The following DPYS variants were observed in gnomAD, a reference collection of about 807,000 sequenced individuals.
The protein encoded by DPYS is dihydropyrimidinase.
A neutral mutation model predicts 50.3 loss-of-function variants in DPYS; 39 were observed. The ratio of observed to expected loss-of-function variants is 0.78; its 90% confidence interval spans 0.60 to 1.01. DPYS has a LOEUF of 1.01. Among genes scored for constraint, DPYS ranks in the 50% least tolerant of loss-of-function variants. The pLI is 0.00. For missense variants in DPYS, 659 were observed against 680.9 expected (o/e 0.97, Z 0.36); for synonymous variants, 245 against 250.7 (o/e 0.98, Z 0.22).
Position 104,429,619 on chromosome 8 carries a change from T to C in DPYS, c.876A>G (p.Ala292=). Residue 292 remains alanine, a synonymous_variant, in exon 5 of 10, where the codon GCA becomes GCG. Coordinates refer to ENST00000351513, the MANE Select transcript of DPYS (RefSeq NM_001385.3). ...THYWNKEWHH[A]AHHVMGPPLR... The stretch of plus-strand genomic sequence containing the variant: ...AAGGTGGACCCATGACATGGTGGGC[T>C]GCATGGTGCCATTCTTTATTCCAGT... 1 of 1,614,196 alleles carries C rather than the reference T, an allele frequency of 6.2e-7. No homozygotes were observed. Among genetic ancestry groups the C allele is most frequent in the Admixed American group, 1.7e-5 (1 of 60,030 alleles).
intron 7 of DPYS, among the ~76,000 whole-genome samples, chr8:104,417,698 T>C (rs1348851498): frequency 1.3e-5 from 2 of 152,170 alleles, no homozygotes; most frequent in African/African-American, 4.8e-5. Context: ...CCGAAAAAGG[T>C]GAATGCTCCC....
rs1813459028 is a variant in DPYS at position 104,444,387 on chromosome 8, C to T, written c.654G>A (p.Glu218=). 1 of 1,614,132 alleles carries T rather than the reference C, an allele frequency of 6.2e-7. No individual in the cohort carries two copies. Among genetic ancestry groups the T allele is most frequent in the Non-Finnish European group, 8.5e-7 (1 of 1,180,058 alleles). Residue 218 remains glutamate (E), a synonymous_variant, in exon 4 of 10, where the codon GAG becomes GAA. Coordinates refer to ENST00000351513, the MANE Select transcript of DPYS (RefSeq NM_001385.3). The stretch of plus-strand genomic sequence containing the variant: ...CCTCCACTGCCTCTGGGCGGCACAG[C>T]TCGTGGCCCTCAGGGCCTGTTATCC... The part of the protein sequence containing the change: ...ALGITGPEGH[E]LCRPEAVEAE...
At chr8:104,427,921 A>G in intron 6 of DPYS, 59 bp downstream of exon 6, 2 of 1,612,550 alleles carry the variant, frequency 1.2e-6, no homozygotes, top group Non-Finnish European at 1.7e-6. Context: ...TGGTCCTCAA[A>G]TGGGCAGGAT....
chr8:104,451,430 A>G (rs1169110569), intron 1 of DPYS, 26 bp from the exon 2 acceptor site: 1 of 1,613,724 alleles, frequency 6.2e-7, no homozygotes, highest in Admixed American at 1.7e-5. Context: ...GTTTTCAACA[A>G]ATTAGCTATC....
chr8:104,407,144 A>G (rs1386235327), intron 7 of DPYS, among the ~76,000 whole-genome samples: 1 of 152,194 alleles, frequency 6.6e-6, no homozygotes, highest in East Asian at 1.9e-4. Context: ...TTCAATCCTC[A>G]TTATTTTATT....
At chr8:104,399,848 G>T (rs1472363616) in intron 7 of DPYS, among the ~76,000 whole-genome samples, 1 of 104,322 alleles carries the variant, frequency 9.6e-6, no homozygotes, top group Non-Finnish European at 1.7e-5. Context: ...CAGCCTGGGA[G>T]ACAGCAAGAC....
At chr8:104,388,782 G>T (rs550969467) in intron 8 of DPYS, among the ~76,000 whole-genome samples, 1 of 152,084 alleles carries the variant, frequency 6.6e-6, no homozygotes, top group East Asian at 1.9e-4. Context: ...AGATAAAAAC[G>T]TCTTCTCTTT....
chr8:104,464,978 A>T (rs879267157), intron 1 of DPYS, among the ~76,000 whole-genome samples: 5 of 152,198 alleles, frequency 3.3e-5, no homozygotes, highest in Non-Finnish European at 7.3e-5. Flanking sequence ...CCTACAAAAG[A>T]CTTTATTGAC....
rs190766503 is a variant in DPYS, at chr8:104,446,783, G to A, written c.603+541C>T. ...GGCAAGAGACAGCTCTTTAAATCTT[G>A]CAGATGGTGTATCCTTCAGGCATTA... is the stretch of plus-strand genomic sequence containing the variant. On this transcript the variant is annotated intron_variant, in intron 3 of 9. Transcript: ENST00000351513. 2.7e-4 allele frequency among the ~76,000 whole-genome samples: 41 copies of A among 152,222 alleles called. No individual in the cohort carries two copies. The East Asian group carries it at 7.5e-3, about 28-fold the overall frequency.
chr8:104,381,852 T>TCACACACA lies in DPYS; in HGVS notation c.1444-546_1444-539dup, dbSNP rs59581374. The stretch of plus-strand genomic sequence containing the variant: ...TCAGTGCTTGAGCAGAGTTTTGAAA[T>TCACACACA]CACACACACACACACACACACACAC... On this transcript the variant is annotated intron_variant, in intron 8 of 9. Transcript: ENST00000351513. Among the ~76,000 whole-genome samples, 683 of 123,932 alleles carry TCACACACA rather than the reference T, an allele frequency of 5.5e-3. 7 individuals carry two copies. The highest frequency in any genetic ancestry group is 0.024 in the Middle Eastern group (6 of 246). 81.3% of individuals were successfully genotyped at this position (123,932 alleles called of 152,430 possible).
intron 4 of DPYS, among the ~76,000 whole-genome samples, chr8:104,431,017 T>C (rs1588439181): frequency 6.6e-6 from 1 of 152,214 alleles, no homozygotes; most frequent in African/African-American, 2.4e-5. Flanking sequence ...ACTGGGAAGA[T>C]GGACACGATA....
chr8:104,396,096 A>C (rs933944696), intron 7 of DPYS, among the ~76,000 whole-genome samples: 1 of 152,238 alleles, frequency 6.6e-6, no homozygotes, highest in African/African-American at 2.4e-5. Flanking sequence ...CAAAGAAAAT[A>C]AAGCTAGGAA....
intron 7 of DPYS, among the ~76,000 whole-genome samples, chr8:104,405,149 G>A (rs1811953166): frequency 6.6e-6 from 1 of 152,272 alleles, no homozygotes; most frequent in East Asian, 1.9e-4. Flanking sequence ...CCACAGTGTC[G>A]GGTGTGGCCA....
intron 1 of DPYS, among the ~76,000 whole-genome samples, chr8:104,458,166 A>G (rs1199689448): frequency 6.6e-6 from 1 of 152,230 alleles, no homozygotes; most frequent in African/African-American, 2.4e-5. Context: ...ACTCCAAGGT[A>G]GGAGGTATAC....
chr8:104,386,926 C>G (rs1811230708), intron 8 of DPYS, among the ~76,000 whole-genome samples: 1 of 152,148 alleles, frequency 6.6e-6, no homozygotes, highest in African/African-American at 2.4e-5. Context: ...CCACGCCTGG[C>G]TGGATGCTAG....
chr8:104,430,433 TA>T (rs1379315741), intron 4 of DPYS, among the ~76,000 whole-genome samples: 4 of 151,954 alleles, frequency 2.6e-5, no homozygotes, highest in African/African-American at 9.7e-5. Context: ...ATCAGAATCC[TA>T]TCTCTGATTA....
At chr8:104,404,920 T>A (rs1004079648) in intron 7 of DPYS, among the ~76,000 whole-genome samples, 4 of 152,058 alleles carry the variant, frequency 2.6e-5, no homozygotes, top group Admixed American at 2.6e-4. Context: ...GCTCTGAATA[T>A]CTCTAGTGGC....
intron 7 of DPYS, chr8:104,419,123 C>T (rs1199774398): frequency 2.1e-6 from 2 of 933,626 alleles, no homozygotes; most frequent in Non-Finnish European, 2.6e-6. Context: ...CTTGGAAAAT[C>T]TTTTCTACTT....
chr8:104,442,617 A>C (rs993395887), intron 4 of DPYS, among the ~76,000 whole-genome samples: 49 of 152,232 alleles, frequency 3.2e-4, no homozygotes, highest in African/African-American at 1.1e-3. Context: ...TTGGTTAGTA[A>C]GATATTATTA....
Sources: allele counts gnomAD v4.1 joint callset (sites outside exome capture counted in the v4.1 genomes callset), GRCh38; gene constraint gnomAD v4.1.1; transcripts MANE v1.5; gene names NCBI Gene and HGNC (gene_info 2026-07-23, HGNC 2026-07-21).